CKAP5: variants seen among roughly 807,000 people sequenced by gnomAD.
CKAP5 encodes the protein cytoskeleton-associated protein 5.
A neutral mutation model predicts 232.8 loss-of-function variants in CKAP5; 27 were observed. That is an observed-to-expected ratio of 0.12 (90% CI 0.09 to 0.16). CKAP5 has a LOEUF of 0.16. CKAP5 is among the 10% of genes least tolerant of loss of function. The pLI, the probability that CKAP5 is intolerant of heterozygous loss-of-function variation, is 1.00. For synonymous variants in CKAP5, 785 were observed against 841.1 expected (o/e 0.93, Z 1.16); for missense variants, 1,838 against 2,424.7 (o/e 0.76, Z 5.08).
At chr11:46,821,017 C>G (rs1372172715) in intron 2 of CKAP5, 158 bp downstream of exon 2, 1 of 567,350 alleles carries the variant, frequency 1.8e-6, no homozygotes, top group East Asian at 3.1e-5. Flanking sequence ...AGTTGAGCTA[C>G]AGAAACCTAT....
intron 1 of CKAP5, among the ~76,000 whole-genome samples, chr11:46,844,981 A>G (rs1358811833): frequency 5.3e-5 from 8 of 152,238 alleles, no homozygotes; most frequent in Admixed American, 3.9e-4. Flanking sequence ...ATTTTTTTAC[A>G]TGAGTTTACC....
chr11:46,761,130 T>TC (rs943918497), intron 32 of CKAP5, among the ~76,000 whole-genome samples: 6 of 151,876 alleles, frequency 4.0e-5, no homozygotes, highest in African/African-American at 1.2e-4. Context: ...GCGCCTGTAG[T>TC]CCTTGCTACT....
rs962036003 is a variant in CKAP5 at position 46,834,062 on chromosome 11, G to A, written c.-38+12158C>T. 1.1e-4 allele frequency among the ~76,000 whole-genome samples: 16 copies of A among 152,132 alleles called. No individual in the cohort carries two copies. The East Asian group carries it at 2.9e-3, about 28-fold the overall frequency. On this transcript the variant is annotated intron_variant, in intron 1 of 43. Transcript: ENST00000529230. Reference sequence around the variant, plus strand: ...TTTTGATATTATTAGTAGAGATGGTGTTTCACCATGTTGGCCAGGCTGGTC... The same window carrying A: ...TTTTGATATTATTAGTAGAGATGGTATTTCACCATGTTGGCCAGGCTGGTC...
intron 1 of CKAP5, among the ~76,000 whole-genome samples, chr11:46,830,860 C>T (rs553852576): frequency 2.0e-5 from 3 of 152,176 alleles, no homozygotes; most frequent in African/African-American, 4.8e-5. Flanking sequence ...GTCAGGAGAT[C>T]GAGACCATCC....
intron 8 of CKAP5, among the ~76,000 whole-genome samples, chr11:46,802,543 CAG>C (rs1392852456): frequency 2.9e-5 from 4 of 136,374 alleles, no homozygotes; most frequent in South Asian, 2.2e-4. Flanking sequence ...GACAGACAGA[CAG>C]ACAGACAGAC....
chr11:46,766,725 A>G (rs921518180), intron 27 of CKAP5, among the ~76,000 whole-genome samples: 1 of 152,254 alleles, frequency 6.6e-6, no homozygotes, highest in Non-Finnish European at 1.5e-5. Flanking sequence ...CAATCTTGAT[A>G]GAGATAATGA....
At chr11:46,765,521 T>C (rs1247212137) in intron 27 of CKAP5, among the ~76,000 whole-genome samples, 3 of 152,082 alleles carry the variant, frequency 2.0e-5, no homozygotes, top group African/African-American at 7.2e-5. Flanking sequence ...TACTGATCAT[T>C]AGTCTAGGTC....
At chr11:46,828,634 AT>A (rs1241190554) in intron 1 of CKAP5, among the ~76,000 whole-genome samples, 2 of 151,956 alleles carry the variant, frequency 1.3e-5, no homozygotes, top group African/African-American at 4.9e-5. Context: ...GTTAACTGCA[AT>A]AAACATAGTA....
chr11:46,821,357 A>G (rs1271127563), intron 1 of CKAP5, 89 bp from the exon 2 acceptor site: 2 of 590,922 alleles, frequency 3.4e-6, no homozygotes, highest in African/African-American at 3.9e-5. Context: ...TTTATCATTC[A>G]TGCAACAACA....
intron 1 of CKAP5, 35 bp from the exon 2 acceptor site, chr11:46,821,303 C>G: frequency 1.0e-6 from 1 of 987,284 alleles, no homozygotes. Flanking sequence ...GCTTAGCAAC[C>G]AGGCAGTCTC....
intron 30 of CKAP5, 102 bp downstream of exon 30, chr11:46,762,874 T>C: frequency 7.0e-7 from 1 of 1,434,402 alleles, no homozygotes; most frequent in South Asian, 1.2e-5. Context: ...GTAGGGAAGG[T>C]ACCGTGATAT....
intron 5 of CKAP5, 87 bp from the exon 6 acceptor site, chr11:46,809,961 G>A (rs1939239043): frequency 1.5e-6 from 2 of 1,314,692 alleles, no homozygotes; most frequent in Admixed American, 4.8e-5. Flanking sequence ...GACATATCAG[G>A]ACCCAATTTC....
At chr11:46,838,978 A>G (rs1939984455) in intron 1 of CKAP5, among the ~76,000 whole-genome samples, 1 of 152,058 alleles carries the variant, frequency 6.6e-6, no homozygotes, top group South Asian at 2.1e-4. Flanking sequence ...TGTTCAACAA[A>G]TATTTTTGAC....
intron 42 of CKAP5, among the ~76,000 whole-genome samples, chr11:46,745,266 C>A (rs1266126581): frequency 6.6e-6 from 1 of 152,090 alleles, no homozygotes; most frequent in East Asian, 1.9e-4. Context: ...AGGTAAGGTA[C>A]TGGGAGGAAA....
chr11:46,776,505 G>T, intron 23 of CKAP5, 122 bp from the exon 24 acceptor site: 1 of 627,016 alleles, frequency 1.6e-6, no homozygotes. Flanking sequence ...GAACATACAT[G>T]AAACCATCTT....
chr11:46,761,958 T>C (rs1274783204), intron 32 of CKAP5, 42 bp downstream of exon 32: 1 of 1,526,298 alleles, frequency 6.6e-7, no homozygotes, highest in Admixed American at 1.8e-5. Context: ...ATCTTGCAAT[T>C]CTTTTCACGA....
At position 46,809,589 on chromosome 11, in the gene CKAP5, T is replaced by A. The variant is rs1001560014; in HGVS notation, c.764-89A>T. On this transcript the variant is annotated intron_variant, in intron 6 of 43. Transcript: ENST00000529230. Reference sequence around the variant, plus strand: ...AGTCCTTTCACAACCCTGATGAAATTTTAATAGAGAAGGGACCAGAGTTAT... The same window carrying A: ...AGTCCTTTCACAACCCTGATGAAATATTAATAGAGAAGGGACCAGAGTTAT... The A allele has an allele frequency of 4.5e-6, 6 of 1,339,932 alleles. No individual in the cohort carries two copies. In the African/African-American group the frequency reaches 8.8e-5, roughly 20 times the overall value. The allele number at this position is 1,339,932 out of a possible 1,614,324, so 83.0% of individuals were successfully genotyped here. A position where few individuals can be genotyped will look rare whatever the true frequency, so the allele number is the denominator to read the frequency against.
At position 46,744,438 on chromosome 11, in the gene CKAP5, C is replaced by T. The variant is rs532791016; in HGVS notation, c.5844G>A (p.Leu1948=). ...AAAGGAGCAGTACCTTTGTGTTGTCCAGACCACATCGCTGTCGGAGGATCT... is the reference window on the plus strand; with the variant it reads ...AAAGGAGCAGTACCTTTGTGTTGTCTAGACCACATCGCTGTCGGAGGATCT... The part of the protein sequence containing the change: ...RLKILRQRCG[L]DNTKQDDRPP... Residue 1948 remains leucine (L), a synonymous_variant, in exon 43 of 44, where the codon CTG becomes CTA. Transcript: ENST00000529230. 5.0e-6 allele frequency: 8 copies of T among 1,614,008 alleles called. No individual in the cohort carries two copies. The highest frequency in any genetic ancestry group is 6.8e-6 in the Non-Finnish European group (8 of 1,180,030).
intron 13 of CKAP5, among the ~76,000 whole-genome samples, chr11:46,794,110 G>C (rs1938811832): frequency 6.6e-6 from 1 of 152,030 alleles, no homozygotes; most frequent in Non-Finnish European, 1.5e-5. Context: ...TCAAAATAAA[G>C]ACATAAATGT....
Sources: allele counts gnomAD v4.1 joint callset (sites outside exome capture counted in the v4.1 genomes callset), GRCh38; gene constraint gnomAD v4.1.1; transcripts MANE v1.5; gene names NCBI Gene and HGNC (gene_info 2026-07-23, HGNC 2026-07-21).